NTRK1: variants seen among roughly 807,000 people sequenced by gnomAD.
NTRK1 encodes the protein neurotrophic receptor tyrosine kinase 1, also known as high affinity nerve growth factor receptor.
Under a neutral mutation model 86.8 loss-of-function variants are expected in NTRK1, and 62 were observed. The ratio of observed to expected loss-of-function variants is 0.71; its 90% CI spans 0.58 to 0.88. The LOEUF is 0.88. Ranked by LOEUF, NTRK1 falls within the 40% of genes least tolerant of loss-of-function variation. The pLI is 0.00. For missense variants in NTRK1, 967 were observed against 1,078.4 expected (o/e 0.90, Z 1.45); for synonymous variants, 469 against 456.6 (o/e 1.03, Z -0.35).
chr1:156,843,701 C>T (rs1439999910), intron 2 of NTRK1, among the ~76,000 whole-genome samples: 1 of 152,238 alleles, frequency 6.6e-6, no homozygotes, highest in Non-Finnish European at 1.5e-5. Context: ...AGTAAAGGGG[C>T]TTCCGCCCTG....
intron 6 of NTRK1, among the ~76,000 whole-genome samples, chr1:156,871,281 G>A (rs2644613): frequency 0.79 from 119,737 of 152,100 alleles, 47,248 homozygotes; most frequent in Middle Eastern, 0.84. Context: ...CAGGCTGGGC[G>A]CAGTGGCTCA....
intron 1 of NTRK1, among the ~76,000 whole-genome samples, chr1:156,824,547 C>T (rs531457218): frequency 6.6e-6 from 1 of 152,304 alleles, no homozygotes; most frequent in African/African-American, 2.4e-5. Flanking sequence ...CTGCCTTGGA[C>T]GTCCAACCTT....
intron 1 of NTRK1, among the ~76,000 whole-genome samples, chr1:156,832,754 G>A (rs115775145): frequency 9.1e-4 from 138 of 152,324 alleles, no homozygotes; most frequent in Non-Finnish European, 1.7e-3. Flanking sequence ...GGGAAGCATC[G>A]AGATCCGAGT....
At chr1:156,820,742 G>A (rs766780124) in intron 1 of NTRK1, among the ~76,000 whole-genome samples, 84 of 152,110 alleles carry the variant, frequency 5.5e-4, no homozygotes, top group Non-Finnish European at 1.1e-3. Context: ...TGTTCTTTTT[G>A]CATAGTATTG....
chr1:156,881,527 T>TCTGCTGCTGG lies in NTRK1; in HGVS notation c.2277_2278insTGCTGCTGGC (p.Met760CysfsTer?), dbSNP rs1648259989. On this transcript the variant is annotated frameshift_variant, in exon 17 of 17. Coordinates refer to ENST00000524377, the MANE Select transcript of NTRK1 (RefSeq NM_002529.4). LOFTEE classifies it high-confidence loss of function. ...GCCTGCCCACCAGAGGTCTACGCCA[T>TCTGCTGCTGG]CATGCGGGGCTGCTGGCAGCGGGAG... The TCTGCTGCTGG allele has an allele frequency of 6.2e-7, 1 of 1,602,474 alleles. No homozygotes were observed. Among genetic ancestry groups the TCTGCTGCTGG allele is most frequent in the African/African-American group, 1.3e-5 (1 of 74,742 alleles).
intron 13 of NTRK1, 47 bp from the exon 14 acceptor site, chr1:156,876,353 G>A (rs2102918777): frequency 6.2e-7 from 1 of 1,612,640 alleles, no homozygotes; most frequent in Non-Finnish European, 8.5e-7. Context: ...GAACAGCAGT[G>A]AGGGCTCGGC....
chr1:156,866,839 C>T, intron 3 of NTRK1, 71 bp from the exon 4 acceptor site: 2 of 1,522,884 alleles, frequency 1.3e-6, no homozygotes, highest in South Asian at 2.2e-5. Context: ...GGCTCCTCCC[C>T]TCCCTCATTC....
intron 2 of NTRK1, chr1:156,845,256 G>A (rs1654950376): frequency 1.2e-6 from 2 of 1,611,682 alleles, no homozygotes; most frequent in Non-Finnish European, 1.7e-6. Flanking sequence ...TTGCCCCCCA[G>A]CCGGAGGGGC....
chr1:156,838,921 T>C (rs1654668380), intron 1 of NTRK1, among the ~76,000 whole-genome samples: 1 of 152,210 alleles, frequency 6.6e-6, no homozygotes, highest in South Asian at 2.1e-4. Context: ...GTGTGCTCTG[T>C]GTGAGTGTGC....
chr1:156,828,609 C>T (rs1654385091), intron 1 of NTRK1, among the ~76,000 whole-genome samples: 1 of 152,234 alleles, frequency 6.6e-6, no homozygotes, highest in Non-Finnish European at 1.5e-5. Flanking sequence ...CTGTGTTTGC[C>T]ACAGGCACCC....
At chr1:156,868,933 C>G (rs554821754) in intron 6 of NTRK1, among the ~76,000 whole-genome samples, 1 of 152,196 alleles carries the variant, frequency 6.6e-6, no homozygotes, top group South Asian at 2.1e-4. Flanking sequence ...GTGTTGGCTG[C>G]AAGGGAGAGG....
At position 156,851,994 on chromosome 1, in the gene NTRK1, G is replaced by A. The variant is rs150841787; in HGVS notation, c.50+9801G>A. Reference sequence around the variant, plus strand: ...GGCACAGAGTGCAGGCTGGCACAGCGCTCAGCTGTGACACAGCGCCAGGAC... The same window carrying A: ...GGCACAGAGTGCAGGCTGGCACAGCACTCAGCTGTGACACAGCGCCAGGAC... On this transcript the variant is annotated intron_variant, in intron 2 of 16. Transcript: ENST00000392302. The A allele has an allele frequency of 1.1e-4, 180 of 1,612,076 alleles. No homozygotes were observed. In the African/African-American group the frequency reaches 2.0e-3, roughly 18 times the overall value.
At chr1:156,845,838 T>C (rs961355868) in intron 2 of NTRK1, 2 of 1,607,464 alleles carry the variant, frequency 1.2e-6, no homozygotes, top group African/African-American at 2.7e-5. Flanking sequence ...GGGAAGACAC[T>C]AGTAAGACAG....
chr1:156,869,015 T>TCTCCCTTC (rs1647372618), intron 6 of NTRK1, among the ~76,000 whole-genome samples: 1 of 31,348 alleles, frequency 3.2e-5, no homozygotes, highest in Non-Finnish European at 7.1e-5. Context: ...CACTTTTCTC[T>TCTCCCTTC]CTCCCTTCCT....
At chr1:156,853,790 G>C (rs1571672609) in intron 2 of NTRK1, 1 of 1,609,848 alleles carries the variant, frequency 6.2e-7, no homozygotes, top group Non-Finnish European at 8.5e-7. Flanking sequence ...TCTGTAGTCA[G>C]TGTGCCCGCT....
intron 2 of NTRK1, chr1:156,845,237 TCCGAGCTGTTGCCCCCCAG>T: frequency 6.2e-7 from 1 of 1,610,588 alleles, no homozygotes; most frequent in Non-Finnish European, 8.5e-7. Context: ...GATCTCGAAA[TCCGAGCTGTTGCCCCCCAG>T]CCGGAGGGGC....
intron 2 of NTRK1, 99 bp from the exon 3 acceptor site, chr1:156,864,629 G>T: frequency 6.0e-6 from 8 of 1,336,858 alleles, no homozygotes; most frequent in South Asian, 1.2e-5. Flanking sequence ...GAGGGGTAGG[G>T]GTTCAGCACA....
chr1:156,816,074 G>A, intron 1 of NTRK1: 4 of 1,613,902 alleles, frequency 2.5e-6, no homozygotes, highest in Non-Finnish European at 3.4e-6. Context: ...CTGAAGGTTG[G>A]GATGGGGGCT....
intron 1 of NTRK1, among the ~76,000 whole-genome samples, chr1:156,820,228 G>C (rs895925157): frequency 6.6e-6 from 1 of 151,940 alleles, no homozygotes; most frequent in Non-Finnish European, 1.5e-5. Context: ...TATTGAATAG[G>C]GTGTCCTTCC....
Sources: gnomAD v4.1 joint callset for allele counts (sites outside exome capture counted in the v4.1 genomes callset) on GRCh38, gnomAD v4.1.1 for gene constraint, MANE v1.5 for transcripts, NCBI Gene and HGNC (gene_info 2026-07-23, HGNC 2026-07-21) for gene names.